TBC1D14: variants seen among roughly 807,000 people sequenced by gnomAD.
TBC1D14 encodes TBC1 domain family, member 14.
Under a neutral mutation model 79.0 loss-of-function variants are expected in TBC1D14, and 26 were observed. The ratio of observed to expected loss-of-function variants is 0.33; its 90% CI spans 0.24 to 0.46. The LOEUF (loss-of-function observed/expected upper bound fraction) is 0.46. Ranked by LOEUF, TBC1D14 falls within the 20% of genes least tolerant of loss-of-function variation. The pLI is 1.00. For synonymous variants in TBC1D14, 394 were observed against 349.9 expected, an observed-to-expected ratio of 1.13 and a Z score of -1.40; for missense variants, 769 against 887.6, an observed-to-expected ratio of 0.87 and a Z score of 1.70.
At chr4:6,937,012 G>C (rs567651530) in intron 2 of TBC1D14, among the ~76,000 whole-genome samples, 1 of 152,320 alleles carries the variant, frequency 6.6e-6, no homozygotes, top group African/African-American at 2.4e-5. Flanking sequence ...CCGCCTTCCG[G>C]GTTCAAGCGA....
chr4:6,910,562 C>T (rs1476497588), intron 1 of TBC1D14: 2 of 152,338 alleles, frequency 1.3e-5, no homozygotes, highest in Non-Finnish European at 2.9e-5. Context: ...AAGACCCTGG[C>T]CCGGGGACTG....
intron 12 of TBC1D14, among the ~76,000 whole-genome samples, chr4:7,018,591 C>A (rs184126926): frequency 1.3e-5 from 2 of 152,242 alleles, no homozygotes; most frequent in Non-Finnish European, 2.9e-5. Flanking sequence ...TCACCTTCCT[C>A]GGTCCCTTTT....
chr4:7,018,297 G>A (rs1317922898), intron 12 of TBC1D14, among the ~76,000 whole-genome samples: 2 of 152,216 alleles, frequency 1.3e-5, no homozygotes, highest in African/African-American at 2.4e-5. Context: ...CTCGCGGCAG[G>A]GGCTGAGGGG....
chr4:6,969,467 G>A (rs546772770), intron 3 of TBC1D14, among the ~76,000 whole-genome samples: 40 of 152,038 alleles, frequency 2.6e-4, no homozygotes, highest in Non-Finnish European at 4.9e-4. Flanking sequence ...GTGCAGTGGT[G>A]CGATCTTGGC....
At position 7,011,282 on chromosome 4, in the gene TBC1D14, C is replaced by T. The variant is rs558966023; in HGVS notation, c.1647+501C>T. Among the ~76,000 whole-genome samples the T allele has an allele frequency of 1.3e-4, 19 of 151,208 alleles. No individual in the cohort carries two copies. In the South Asian group the frequency reaches 2.7e-3, roughly 22 times the overall value. On this transcript the variant is annotated intron_variant, in intron 11 of 13. Coordinates refer to ENST00000409757, the MANE Select transcript of TBC1D14 (RefSeq NM_020773.3). ...AAAGGCAGCCATTTGTTTAGTGGAC[C>T]GCTCTAGTCTTTATGACACTGCGTA...
intron 2 of TBC1D14, among the ~76,000 whole-genome samples, chr4:6,931,698 A>G (rs946055985): frequency 6.6e-6 from 1 of 152,098 alleles, no homozygotes; most frequent in African/African-American, 2.4e-5. Context: ...CACAACCATA[A>G]TGATCCATTT....
chr4:6,968,191 C>T (rs1337364129), intron 3 of TBC1D14, among the ~76,000 whole-genome samples: 3 of 152,244 alleles, frequency 2.0e-5, no homozygotes, highest in Middle Eastern at 3.4e-3. Flanking sequence ...GCTCAGTAGA[C>T]ACTCTTGAGG....
intron 3 of TBC1D14, among the ~76,000 whole-genome samples, chr4:6,983,405 C>T (rs1301104531): frequency 1.3e-5 from 2 of 152,166 alleles, no homozygotes; most frequent in South Asian, 2.1e-4. Context: ...TCTCATGTAA[C>T]TCCTAGAGGT....
chr4:7,015,532 A>G (rs572384347), intron 12 of TBC1D14, among the ~76,000 whole-genome samples: 40 of 152,296 alleles, frequency 2.6e-4, no homozygotes, highest in African/African-American at 7.9e-4. Context: ...TGAGAGGTCT[A>G]CGCAGCAGCA....
chr4:7,019,438 C>A (rs1003686977), intron 12 of TBC1D14, among the ~76,000 whole-genome samples: 1 of 152,156 alleles, frequency 6.6e-6, no homozygotes, highest in Non-Finnish European at 1.5e-5. Flanking sequence ...CAGGTTGCCC[C>A]ACGAGTGCCT....
At position 6,999,333 on chromosome 4, in the gene TBC1D14, C is replaced by T. The variant is rs181514764; in HGVS notation, c.1163+131C>T. 2.7e-3 allele frequency: 2,142 copies of T among 795,176 alleles called. 18 individuals are homozygous for T. The highest frequency in any genetic ancestry group is 0.026 in the East Asian group (1,047 of 39,844). The allele number at this position is 795,176 out of a possible 1,614,324, so 49.3% of individuals were successfully genotyped here. A position where few individuals can be genotyped will look rare whatever the true frequency, so the allele number is the denominator to read the frequency against. ...GAGTTGAAGTTGCATCATCTTCCTT[C>T]CCTCTACCCTGGCTCAGCCTGCGCC... On this transcript the variant is annotated intron_variant, in intron 6 of 13. Coordinates refer to ENST00000409757, the MANE Select transcript of TBC1D14 (RefSeq NM_020773.3).
intron 10 of TBC1D14, 129 bp from the exon 11 acceptor site, chr4:7,010,524 C>G: frequency 8.7e-7 from 1 of 1,145,936 alleles, no homozygotes; most frequent in Admixed American, 3.0e-5. Context: ...GTTGGGTGGC[C>G]GGAGGAGTGG....
chr4:6,993,517 G>A (rs553753182), intron 3 of TBC1D14, among the ~76,000 whole-genome samples: 74 of 152,164 alleles, frequency 4.9e-4, no homozygotes, highest in Non-Finnish European at 7.5e-4. Flanking sequence ...CCCAGTGGCC[G>A]TGATAATAAT....
At chr4:6,987,163 A>G in intron 3 of TBC1D14, 1 of 1,125,924 alleles carries the variant, frequency 8.9e-7, no homozygotes, top group Non-Finnish European at 1.1e-6. Flanking sequence ...CCGAGCCGGC[A>G]GCGCGGATCG....
chr4:7,020,561 G>C (rs1721726915), intron 12 of TBC1D14, among the ~76,000 whole-genome samples: 1 of 152,176 alleles, frequency 6.6e-6, no homozygotes, highest in African/African-American at 2.4e-5. Context: ...CTAGAAATTG[G>C]TAATGTTGGG....
intron 3 of TBC1D14, 27 bp downstream of exon 3, chr4:6,967,451 T>A: frequency 6.2e-7 from 1 of 1,607,348 alleles, no homozygotes; most frequent in Non-Finnish European, 8.5e-7. Flanking sequence ...ATCACAGAAA[T>A]AGGCTGTTGG....
intron 3 of TBC1D14, among the ~76,000 whole-genome samples, chr4:6,979,391 C>G (rs1474588684): frequency 6.6e-6 from 1 of 152,102 alleles, no homozygotes; most frequent in Non-Finnish European, 1.5e-5. Flanking sequence ...CTTTGGGAGG[C>G]CGAGGCAGAC....
intron 3 of TBC1D14, among the ~76,000 whole-genome samples, chr4:6,979,280 G>C (rs1015929194): frequency 6.6e-6 from 1 of 152,158 alleles, no homozygotes. Flanking sequence ...TAAATGATCT[G>C]AACACAGCAG....
chr4:6,952,638 ACTT>A (rs1157479672), intron 2 of TBC1D14, among the ~76,000 whole-genome samples: 1 of 152,206 alleles, frequency 6.6e-6, no homozygotes, highest in African/African-American at 2.4e-5. Context: ...CTCTCAGCAG[ACTT>A]CTTTGGTGCC....
Sources: gnomAD v4.1 joint callset for allele counts (sites outside exome capture counted in the v4.1 genomes callset) on GRCh38, gnomAD v4.1.1 for gene constraint, MANE v1.5 for transcripts, NCBI Gene and HGNC (gene_info 2026-07-23, HGNC 2026-07-21) for gene names.